The following POLR3GL variants were observed in gnomAD, a reference collection of about 807,000 sequenced individuals.
POLR3GL encodes DNA-directed RNA polymerase III subunit RPC7-like.
In POLR3GL, 26 loss-of-function variants were observed where a neutral mutation model predicts 32.4. That is an observed-to-expected ratio of 0.80 (90% CI 0.59 to 1.11). POLR3GL has a LOEUF of 1.11. POLR3GL is among the 50% of genes most tolerant of loss of function. POLR3GL has a pLI of 0.00. For synonymous variants in POLR3GL, 95 were observed against 98.7 expected (o/e 0.96, Z 0.22); for missense variants, 229 against 280.1 (o/e 0.82, Z 1.30).
At chr1:145,971,989 A>AATATATATATAT (rs1165893062) in intron 1 of POLR3GL, among the ~76,000 whole-genome samples, 3 of 66,966 alleles carry the variant, frequency 4.5e-5, no homozygotes, top group African/African-American at 1.3e-4. Flanking sequence ...AAAAAAAAAA[A>AATATATATATAT]ATATATATAT....
intron 4 of POLR3GL, 65 bp downstream of exon 4, chr1:145,977,217 C>A: frequency 8.0e-6 from 11 of 1,377,256 alleles, no homozygotes; most frequent in Non-Finnish European, 1.1e-5. Context: ...CAAGCTATTC[C>A]CACCACGCCC....
chr1:145,965,882 G>A (rs752737509), intron 1 of POLR3GL, among the ~76,000 whole-genome samples: 173 of 152,048 alleles, frequency 1.1e-3, no homozygotes, highest in Middle Eastern at 6.8e-3. Flanking sequence ...TTGGGAGGCC[G>A]AGGCGGGCAG....
At chr1:145,971,309 C>G (rs587596912) in intron 1 of POLR3GL, among the ~76,000 whole-genome samples, 48 of 151,504 alleles carry the variant, frequency 3.2e-4, no homozygotes, top group African/African-American at 1.1e-3. Context: ...ACCTATTGCT[C>G]TTTTTCTGTA....
In POLR3GL at chr1:145,977,491, C is replaced by T. The variant is rs1276652879; in HGVS notation, c.334C>T (p.Arg112Cys). The change falls in exon 5 of 8, where the codon CGT becomes TGT. Residue 112 changes from arginine to cysteine, a missense_variant. Coordinates refer to ENST00000369314, the MANE Select transcript of POLR3GL (RefSeq NM_032305.3). ...NAIDWNPDWR[R>C]LPRELKIRVR... Reference sequence around the variant, plus strand: ...GTTCCCACTATTCCCAGATTGGCGGCGTCTACCCCGGGAGCTAAAGATCCG... The same window carrying T: ...GTTCCCACTATTCCCAGATTGGCGGTGTCTACCCCGGGAGCTAAAGATCCG... 18 of 1,613,792 alleles carry T rather than the reference C, an allele frequency of 1.1e-5. No individual in the cohort carries two copies. The highest frequency in any genetic ancestry group is 1.7e-5 in the Admixed American group (1 of 59,978).
chr1:145,977,705 C>A (rs1284685355), intron 5 of POLR3GL, 73 bp from the exon 6 acceptor site: 2 of 1,438,442 alleles, frequency 1.4e-6, no homozygotes, highest in African/African-American at 2.8e-5. Flanking sequence ...GTGACATGTT[C>A]TTTGCATGAG....
At chr1:145,969,315 A>G (rs1650175761) in intron 1 of POLR3GL, among the ~76,000 whole-genome samples, 1 of 151,874 alleles carries the variant, frequency 6.6e-6, no homozygotes, top group South Asian at 2.1e-4. Context: ...GCCAGTCTGG[A>G]GTGCAGTGGC....
At chr1:145,965,773 A>G (rs1649990952) in intron 1 of POLR3GL, among the ~76,000 whole-genome samples, 1 of 152,232 alleles carries the variant, frequency 6.6e-6, no homozygotes, top group South Asian at 2.1e-4. Context: ...AATATTCTAA[A>G]TAAGAAATAT....
At chr1:145,971,000 A>G (rs986811750) in intron 1 of POLR3GL, among the ~76,000 whole-genome samples, 4 of 150,502 alleles carry the variant, frequency 2.7e-5, no homozygotes, top group Non-Finnish European at 4.4e-5. Flanking sequence ...CCTGACCAAC[A>G]TGGAGAAACC....
intron 5 of POLR3GL, 75 bp from the exon 6 acceptor site, chr1:145,977,703 T>G: frequency 7.0e-7 from 1 of 1,428,516 alleles, no homozygotes; most frequent in Non-Finnish European, 9.9e-7. Context: ...GAGTGACATG[T>G]TCTTTGCATG....
chr1:145,968,988 T>G (rs1553762288), intron 1 of POLR3GL, among the ~76,000 whole-genome samples: 1 of 152,206 alleles, frequency 6.6e-6, no homozygotes, highest in Non-Finnish European at 1.5e-5. Flanking sequence ...CTCAATTTTT[T>G]TTATGGCAGT....
chr1:145,975,455 A>G lies in POLR3GL; in HGVS notation c.256+19A>G. 1.2e-6 allele frequency: 2 copies of G among 1,609,344 alleles called. No homozygotes were observed. Among genetic ancestry groups the G allele is most frequent in the Non-Finnish European group, 1.7e-6 (2 of 1,176,044 alleles). Reference sequence around the variant, plus strand: ...AAGAGAGGTCAGTTGGAATGCTAGCATCATATTCTGAGTGCCTTCCATGGG... The same window carrying G: ...AAGAGAGGTCAGTTGGAATGCTAGCGTCATATTCTGAGTGCCTTCCATGGG... On this transcript the variant is annotated intron_variant, in intron 3 of 7. Coordinates refer to ENST00000369314, the MANE Select transcript of POLR3GL (RefSeq NM_032305.3).
At chr1:145,977,455 T>A (rs781798053) in intron 4 of POLR3GL, 28 bp from the exon 5 acceptor site, 8 of 1,609,964 alleles carry the variant, frequency 5.0e-6, no homozygotes, top group Non-Finnish European at 6.8e-6. Flanking sequence ...CAGGGTCCTA[T>A]TGACATTTAC....
chr1:145,967,334 C>A (rs1347287476), intron 1 of POLR3GL, among the ~76,000 whole-genome samples: 1 of 152,080 alleles, frequency 6.6e-6, no homozygotes, highest in Non-Finnish European at 1.5e-5. Context: ...ACCACTGTGC[C>A]TGGCTAATTT....
intron 1 of POLR3GL, among the ~76,000 whole-genome samples, chr1:145,972,423 C>A (rs1403767272): frequency 6.6e-6 from 1 of 151,474 alleles, no homozygotes; most frequent in African/African-American, 2.4e-5. Context: ...CCCCTGCTCC[C>A]TTTTAGGATG....
chr1:145,973,932 A>G (rs1559255552), intron 1 of POLR3GL, among the ~76,000 whole-genome samples: 25 of 144,374 alleles, frequency 1.7e-4, no homozygotes. Flanking sequence ...AGACAGTTGG[A>G]TCACTTGACA....
At position 145,978,258 on chromosome 1, in the gene POLR3GL, A is replaced by T. The variant is rs1553763841; in HGVS notation, c.571-103A>T. 1.5e-5 allele frequency: 19 copies of T among 1,297,850 alleles called. No homozygotes were observed. The Admixed American group carries it at 3.7e-4, about 25-fold the overall frequency. 80.4% of individuals were successfully genotyped at this position (1,297,850 alleles called of 1,614,324 possible). A position where few individuals can be genotyped will look rare whatever the true frequency, so the allele number is the denominator to read the frequency against. On this transcript the variant is annotated intron_variant, in intron 7 of 7. Transcript: ENST00000369314. ...CTTCTACAAACTACAGCTGGAAGAGATGTCTCAGGCCTGGAATGGTGTGAC... is the reference window on the plus strand; with the variant it reads ...CTTCTACAAACTACAGCTGGAAGAGTTGTCTCAGGCCTGGAATGGTGTGAC...
intron 1 of POLR3GL, 21 bp from the exon 2 acceptor site, chr1:145,974,804 C>A (rs1650474317): frequency 7.1e-7 from 1 of 1,417,234 alleles, no homozygotes; most frequent in Non-Finnish European, 9.3e-7. Flanking sequence ...TTCTTTTTCT[C>A]TTTGTTTTTG....
chr1:145,977,909 G>A, intron 6 of POLR3GL, 58 bp downstream of exon 6: 1 of 1,613,714 alleles, frequency 6.2e-7, no homozygotes, highest in East Asian at 2.2e-5. Flanking sequence ...CCTCTCTCTT[G>A]GCCCATGTGT....
chr1:145,977,640 C>A, intron 5 of POLR3GL, 101 bp downstream of exon 5: 2 of 1,316,672 alleles, frequency 1.5e-6, no homozygotes, highest in Non-Finnish European at 2.2e-6. Flanking sequence ...GTTCCTATAC[C>A]CAATCTACCA....
Sources: allele counts gnomAD v4.1 joint callset (sites outside exome capture counted in the v4.1 genomes callset), GRCh38; gene constraint gnomAD v4.1.1; transcripts MANE v1.5; gene names NCBI Gene and HGNC (gene_info 2026-07-23, HGNC 2026-07-21).